Variants in FAAH2 observed in about 807,000 individuals in gnomAD.
FAAH2 encodes the protein fatty-acid amide hydrolase 2.
A neutral mutation model predicts 36.9 loss-of-function variants in FAAH2; 60 were observed. The observed-to-expected ratio is 1.63, with a 90% confidence interval of 1.32 to 2.02. FAAH2 has a LOEUF of 2.02. Among genes scored for constraint, FAAH2 ranks in the 30% most tolerant of loss-of-function variants. FAAH2 has a pLI of 0.00. For synonymous variants in FAAH2, 214 were observed against 143.8 expected, an observed-to-expected ratio of 1.49 and a Z score of -3.49; for missense variants, 689 against 397.5, an observed-to-expected ratio of 1.73 and a Z score of -6.23.
the FAAH2 span, among the ~76,000 whole-genome samples, chrX:57,130,970 C>T: frequency 5.4e-5 from 6 of 112,079 alleles, no homozygotes; most frequent in South Asian, 3.7e-4. Context: ...TAGCATTTGC[C>T]AAATAGCACC....
At chrX:57,162,965 T>C in the FAAH2 span, among the ~76,000 whole-genome samples, 1 of 112,536 alleles carries the variant, frequency 8.9e-6, no homozygotes, top group South Asian at 3.7e-4. Context: ...AGTTTTTCTG[T>C]TCTGCTTTTT....
intron 10 of FAAH2, among the ~76,000 whole-genome samples, chrX:57,479,609 T>C (rs1047045210): frequency 1.8e-5 from 2 of 111,722 alleles, no homozygotes; most frequent in Admixed American, 1.9e-4. Flanking sequence ...CTATTTAGTA[T>C]ATTGGCTGTG....
intron 7 of FAAH2, chrX:57,392,968 T>A: frequency 1.1e-6 from 1 of 927,024 alleles, no homozygotes; most frequent in Non-Finnish European, 1.6e-6. Context: ...GCAATGATCC[T>A]GATTTTATCC....
chrX:57,147,261 G>A, the FAAH2 span, among the ~76,000 whole-genome samples: 70 of 110,961 alleles, frequency 6.3e-4, no homozygotes, highest in African/African-American at 2.3e-3. Flanking sequence ...GTCTGTTCAG[G>A]GTTTCTAATT....
chrX:57,334,854 T>A (rs1400446191), intron 4 of FAAH2, among the ~76,000 whole-genome samples: 1 of 111,176 alleles, frequency 9.0e-6, no homozygotes, highest in East Asian at 2.9e-4. Flanking sequence ...GGAGAATAAA[T>A]GGAAACATTT....
chrX:57,230,538 C>T, the FAAH2 span, among the ~76,000 whole-genome samples: 1 of 111,474 alleles, frequency 9.0e-6, no homozygotes, highest in African/African-American at 3.3e-5. Flanking sequence ...TGTTACACTT[C>T]CTTCTATATT....
chrX:57,401,942 A>G (rs2055446413), intron 7 of FAAH2, among the ~76,000 whole-genome samples: 1 of 111,523 alleles, frequency 9.0e-6, no homozygotes, highest in Non-Finnish European at 1.9e-5. Flanking sequence ...CCCAGTCACA[A>G]CTTAGTGGCT....
intron 7 of FAAH2, among the ~76,000 whole-genome samples, chrX:57,426,461 G>A (rs907737961): frequency 1.4e-4 from 16 of 111,210 alleles, no homozygotes; most frequent in Non-Finnish European, 2.1e-4. Flanking sequence ...TCCTCCAATC[G>A]GCTCATGGAA....
chrX:57,472,067 C>T (rs1019532839), intron 10 of FAAH2, among the ~76,000 whole-genome samples: 26 of 112,083 alleles, frequency 2.3e-4, no homozygotes, highest in African/African-American at 6.5e-4. Flanking sequence ...TGGATCCCTT[C>T]CTTACACCTT....
intron 10 of FAAH2, among the ~76,000 whole-genome samples, chrX:57,471,228 G>A (rs191339519): frequency 8.9e-6 from 1 of 111,755 alleles, no homozygotes; most frequent in Non-Finnish European, 1.9e-5. Flanking sequence ...TCAACATAGT[G>A]TTGGAAGTTA....
At chrX:57,267,308 T>G in the FAAH2 span, among the ~76,000 whole-genome samples, 1 of 113,119 alleles carries the variant, frequency 8.8e-6, no homozygotes, top group Non-Finnish European at 1.9e-5. Context: ...TATTGCAGAC[T>G]TAGCCTTGGC....
intron 10 of FAAH2, among the ~76,000 whole-genome samples, chrX:57,451,962 G>A (rs925654334): frequency 1.8e-5 from 2 of 112,292 alleles, no homozygotes; most frequent in East Asian, 5.6e-4. Flanking sequence ...TCATATCATT[G>A]TATCTCAAAG....
At chrX:57,336,976 A>T (rs111318663) in intron 4 of FAAH2, among the ~76,000 whole-genome samples, 6 of 108,366 alleles carry the variant, frequency 5.5e-5, no homozygotes, top group Admixed American at 2.0e-4. Flanking sequence ...TTGAAAAAAA[A>T]AATAAATAAA....
At chrX:57,448,185 G>T (rs2056718324) in intron 9 of FAAH2, among the ~76,000 whole-genome samples, 1 of 111,499 alleles carries the variant, frequency 9.0e-6, no homozygotes, top group African/African-American at 3.3e-5. Context: ...TGCCCAAGCT[G>T]GTCTTGAACC....
intron 6 of FAAH2, 82 bp downstream of exon 6, chrX:57,378,868 C>T (rs1372042799): frequency 4.0e-5 from 43 of 1,069,343 alleles, no homozygotes; most frequent in Non-Finnish European, 5.3e-5. Context: ...TAGAGGTAGA[C>T]TTTCAGTCCT....
the FAAH2 span, among the ~76,000 whole-genome samples, chrX:57,168,317 T>C: frequency 2.5e-4 from 28 of 110,514 alleles, no homozygotes; most frequent in Non-Finnish European, 4.5e-4. Context: ...ACTAGTGTGC[T>C]CATCACTACT....
chrX:57,406,620 T>A (rs1391122577), intron 7 of FAAH2, among the ~76,000 whole-genome samples: 1 of 112,581 alleles, frequency 8.9e-6, no homozygotes, highest in Non-Finnish European at 1.9e-5. Context: ...ATATGCTGTC[T>A]TTTATCTCTA....
intron 4 of FAAH2, among the ~76,000 whole-genome samples, chrX:57,334,350 C>T (rs1288284906): frequency 9.2e-6 from 1 of 108,481 alleles, no homozygotes; most frequent in African/African-American, 3.3e-5. Context: ...ACTTAAATCT[C>T]TGTCTAGCAG....
chrX:57,405,337 G>A (rs781295001), intron 7 of FAAH2, among the ~76,000 whole-genome samples: 1 of 111,154 alleles, frequency 9.0e-6, no homozygotes, highest in East Asian at 2.9e-4. Flanking sequence ...ACCATGCAGT[G>A]AGTGTTATAG....
Sources: allele counts gnomAD v4.1 joint callset (sites outside exome capture counted in the v4.1 genomes callset), GRCh38; gene constraint gnomAD v4.1.1; transcripts MANE v1.5; gene names NCBI Gene and HGNC (gene_info 2026-07-23, HGNC 2026-07-21).